ADGB: variants seen among roughly 807,000 people sequenced by gnomAD.
ADGB encodes calpain-7-like protein.
ADGB carries 172 observed loss-of-function variants against 210.5 expected under a neutral mutation model. The observed-to-expected ratio is 0.82, with a 90% CI of 0.72 to 0.93. The LOEUF (loss-of-function observed/expected upper bound fraction) is 0.93. ADGB is among the 40% of genes least tolerant of loss of function. The pLI is 0.00. For missense variants in ADGB, 2,025 were observed against 1,964.8 expected (o/e 1.03, Z -0.58); for synonymous variants, 658 against 662.7 (o/e 0.99, Z 0.11).
intron 24 of ADGB, 48 bp from the exon 25 acceptor site, chr6:146,741,069 TC>T: frequency 7.1e-7 from 1 of 1,402,424 alleles, no homozygotes; most frequent in East Asian, 2.8e-5. Flanking sequence ...ATTTCAAACT[TC>T]CTTTAAGAAT....
chr6:146,805,029 G>C (rs776253621), intron 35 of ADGB, among the ~76,000 whole-genome samples: 10 of 152,164 alleles, frequency 6.6e-5, no homozygotes, highest in Non-Finnish European at 1.3e-4. Context: ...ACCAACTCTG[G>C]CTAAAAACAG....
At chr6:146,776,145 C>A (rs188207734) in intron 29 of ADGB, among the ~76,000 whole-genome samples, 1 of 152,026 alleles carries the variant, frequency 6.6e-6, no homozygotes, top group East Asian at 1.9e-4. Context: ...ACAAAATACT[C>A]CCTAAGCACT....
intron 1 of ADGB, among the ~76,000 whole-genome samples, chr6:146,630,825 C>A (rs1186491299): frequency 5.9e-5 from 9 of 152,060 alleles, no homozygotes; most frequent in Non-Finnish European, 1.3e-4. Context: ...TATAAGAAAG[C>A]TAACTTTTCA....
chr6:146,625,880 G>T (rs985739017), intron 1 of ADGB, among the ~76,000 whole-genome samples: 1 of 151,860 alleles, frequency 6.6e-6, no homozygotes, highest in African/African-American at 2.4e-5. Context: ...TTGACATTCT[G>T]TTCCATACAG....
At chr6:146,622,573 GAGT>G (rs1780910637) in intron 1 of ADGB, among the ~76,000 whole-genome samples, 1 of 152,064 alleles carries the variant, frequency 6.6e-6, no homozygotes, top group Non-Finnish European at 1.5e-5. Flanking sequence ...TCTTATGTTA[GAGT>G]ATTTGATCAA....
chr6:146,658,680 T>C (rs1439331735), intron 5 of ADGB, among the ~76,000 whole-genome samples: 1 of 152,238 alleles, frequency 6.6e-6, no homozygotes, highest in African/African-American at 2.4e-5. Context: ...TATTTCTCCT[T>C]AATCATACTG....
At chr6:146,609,580 C>A (rs1452646170) in intron 1 of ADGB, among the ~76,000 whole-genome samples, 1 of 152,092 alleles carries the variant, frequency 6.6e-6, no homozygotes, top group East Asian at 1.9e-4. Flanking sequence ...TGGTGGCCAG[C>A]AACAGTCTTT....
At chr6:146,623,969 C>T (rs116007488) in intron 1 of ADGB, among the ~76,000 whole-genome samples, 2,940 of 151,790 alleles carry the variant, frequency 0.019, 40 homozygotes, top group Middle Eastern at 0.058. Context: ...ATTTGATCTG[C>T]TTTATTTGAT....
intron 24 of ADGB, among the ~76,000 whole-genome samples, chr6:146,740,890 C>T (rs530021591): frequency 1.3e-5 from 2 of 152,058 alleles, no homozygotes; most frequent in South Asian, 4.1e-4. Context: ...TAAGCAATAG[C>T]ATATTTGGTA....
chr6:146,691,477 AATATAT>A (rs1198158237), intron 11 of ADGB, among the ~76,000 whole-genome samples, 187 bp downstream of exon 11: 2 of 18,554 alleles, frequency 1.1e-4, no homozygotes, highest in African/African-American at 4.3e-4. Flanking sequence ...TATATATATA[AATATAT>A]ATATATATAT....
intron 27 of ADGB, among the ~76,000 whole-genome samples, chr6:146,759,577 G>A (rs7748788): frequency 2.6e-5 from 4 of 151,300 alleles, no homozygotes; most frequent in South Asian, 2.1e-4. Context: ...TGTGATATGC[G>A]CAATCTTTAA....
intron 26 of ADGB, among the ~76,000 whole-genome samples, chr6:146,748,003 A>C (rs927741442): frequency 7.9e-5 from 12 of 151,834 alleles, no homozygotes; most frequent in African/African-American, 2.7e-4. Flanking sequence ...GGCTAGTCTC[A>C]AACTCCTGGC....
chr6:146,776,589 T>A (rs1261996583), intron 29 of ADGB, among the ~76,000 whole-genome samples: 3 of 152,188 alleles, frequency 2.0e-5, no homozygotes, highest in Admixed American at 6.5e-5. Context: ...GTAGGTACTT[T>A]GTGTATGTAA....
Position 146,664,305 on chromosome 6 carries a change from T to A in ADGB, c.717T>A (p.Leu239=), listed in dbSNP as rs1045537469. The part of the protein sequence containing the change: ...TTYEFELWPM[L]LSKAIIKLAN... ...ATGAATTTGAACTGTGGCCAATGCT[T>A]TTGTCTAAAGCTATTATCAAGCTGG... The change falls in exon 6 of 36, where the codon CTT becomes CTA. Residue 239 remains leucine, a synonymous_variant. Transcript: ENST00000397944. The A allele has an allele frequency of 1.3e-6, 2 of 1,549,600 alleles. No homozygotes were observed. The highest frequency in any genetic ancestry group is 2.0e-5 in the Admixed American group (1 of 50,862).
chr6:146,662,855 T>G (rs1423043609), intron 5 of ADGB, among the ~76,000 whole-genome samples: 1 of 150,488 alleles, frequency 6.6e-6, no homozygotes, highest in African/African-American at 2.4e-5. Flanking sequence ...TGATGTACTA[T>G]TCTGGTCTGC....
At position 146,673,431 on chromosome 6, in the gene ADGB, T is replaced by C. The variant is rs148193225; in HGVS notation, c.1087+964T>C. 4.1e-3 allele frequency among the ~76,000 whole-genome samples: 619 copies of C among 152,266 alleles called. 1 individual carries two copies. Among genetic ancestry groups the C allele is most frequent in the Non-Finnish European group, 6.3e-3 (426 of 68,006 alleles). ...CTGAGGCTCCTGCTTCCCTAAGAAA[T>C]GCATCTTTGTTGTCGTTATCCTTTC... On this transcript the variant is annotated intron_variant, in intron 8 of 35. Transcript: ENST00000397944.
intron 33 of ADGB, 143 bp from the exon 34 acceptor site, chr6:146,801,040 C>T (rs534992129): frequency 1.3e-5 from 5 of 380,966 alleles, no homozygotes; most frequent in African/African-American, 8.4e-5. Context: ...ATATTATTAA[C>T]ATTATGTTAA....
chr6:146,636,808 C>G (rs1202361740), intron 2 of ADGB, among the ~76,000 whole-genome samples: 2 of 151,964 alleles, frequency 1.3e-5, no homozygotes, highest in Non-Finnish European at 2.9e-5. Context: ...GCTCTTAGCG[C>G]TGATTTGCAG....
At chr6:146,665,334 G>T (rs1025198407) in intron 6 of ADGB, among the ~76,000 whole-genome samples, 2 of 151,888 alleles carry the variant, frequency 1.3e-5, no homozygotes, top group Non-Finnish European at 2.9e-5. Flanking sequence ...CTTCATATCT[G>T]TTTTTTCCTT....
Sources: allele counts gnomAD v4.1 joint callset (sites outside exome capture counted in the v4.1 genomes callset), GRCh38; gene constraint gnomAD v4.1.1; transcripts MANE v1.5; gene names NCBI Gene and HGNC (gene_info 2026-07-23, HGNC 2026-07-21).